The following LARGE1 variants were observed in gnomAD, a reference collection of about 807,000 sequenced individuals.
LARGE1 encodes LARGE xylosyl- and glucuronyltransferase 1.
Under a neutral mutation model 87.6 loss-of-function variants are expected in LARGE1, and 43 were observed. The ratio of observed to expected loss-of-function variants is 0.49; its 90% CI spans 0.38 to 0.63. The LOEUF is 0.63. LARGE1 is among the 30% of genes least tolerant of loss of function. The pLI, the probability that LARGE1 is intolerant of heterozygous loss-of-function variation, is 0.00. For synonymous variants in LARGE1, 434 were observed against 394.6 expected (o/e 1.10, Z -1.18); for missense variants, 802 against 1,000.2 (o/e 0.80, Z 2.67).
chr22:33,158,826 G>C (rs547116946), downstream of LARGE1, among the ~76,000 whole-genome samples: 1 of 152,274 alleles, frequency 6.6e-6, no homozygotes, highest in South Asian at 2.1e-4. Context: ...AGATATGGCA[G>C]ATAGAATAGG....
chr22:33,536,408 G>A (rs569432400), intron 6 of LARGE1, among the ~76,000 whole-genome samples: 13 of 152,290 alleles, frequency 8.5e-5, no homozygotes, highest in Non-Finnish European at 1.0e-4. Context: ...AACAGAGCAC[G>A]CATTTAATCA....
intron 2 of LARGE1, among the ~76,000 whole-genome samples, chr22:33,704,059 A>G (rs1409140234): frequency 3.9e-5 from 6 of 152,216 alleles, no homozygotes; most frequent in Non-Finnish European, 7.3e-5. Flanking sequence ...GAGGGATACT[A>G]AAGCGCTGAA....
intron 11 of LARGE1, among the ~76,000 whole-genome samples, chr22:33,187,920 T>G (rs1431161484): frequency 3.7e-5 from 1 of 27,380 alleles, no homozygotes; most frequent in South Asian, 2.0e-3. Context: ...AGACTCCGTC[T>G]CAAAAAAAAA....
chr22:33,918,213 G>C (rs2147001964), intron 1 of LARGE1, among the ~76,000 whole-genome samples: 1 of 152,288 alleles, frequency 6.6e-6, no homozygotes, highest in African/African-American at 2.4e-5. Flanking sequence ...AAAGGAATCT[G>C]CATTGGCTCA....
At chr22:33,286,668 G>A (rs1258878286) in intron 12 of LARGE1, among the ~76,000 whole-genome samples, 1 of 151,624 alleles carries the variant, frequency 6.6e-6, no homozygotes, top group Non-Finnish European at 1.5e-5. Flanking sequence ...CAATGCTATA[G>A]AAACAGAATA....
chr22:33,823,153 A>G (rs1030620254), intron 1 of LARGE1, among the ~76,000 whole-genome samples: 1 of 152,268 alleles, frequency 6.6e-6, no homozygotes, highest in Non-Finnish European at 1.5e-5. Flanking sequence ...GTATTAAAAA[A>G]GAATAACAAG....
At chr22:33,718,159 G>T (rs2082968165) in intron 2 of LARGE1, among the ~76,000 whole-genome samples, 1 of 152,152 alleles carries the variant, frequency 6.6e-6, no homozygotes, top group Admixed American at 6.5e-5. Context: ...GTCACCTGAG[G>T]TTCCCTTATT....
intron 1 of LARGE1, among the ~76,000 whole-genome samples, chr22:33,799,066 T>G (rs1490473916): frequency 6.6e-6 from 1 of 152,112 alleles, no homozygotes; most frequent in Non-Finnish European, 1.5e-5. Context: ...TCTAGTATTA[T>G]TCCTCCAGAT....
chr22:33,183,618 A>ACACACACACG (rs1378722450), intron 11 of LARGE1, among the ~76,000 whole-genome samples: 1 of 107,614 alleles, frequency 9.3e-6, no homozygotes, highest in African/African-American at 3.1e-5. Flanking sequence ...ACACACACAC[A>ACACACACACG]CGCACACACA....
chr22:33,651,500 C>T (rs528926002), intron 2 of LARGE1, among the ~76,000 whole-genome samples: 1 of 152,178 alleles, frequency 6.6e-6, no homozygotes, highest in African/African-American at 2.4e-5. Context: ...AAAAGCATCA[C>T]CTCTCAGGGG....
At chr22:33,391,097 T>C (rs1444771567) in intron 7 of LARGE1, among the ~76,000 whole-genome samples, 1 of 152,152 alleles carries the variant, frequency 6.6e-6, no homozygotes, top group Non-Finnish European at 1.5e-5. Flanking sequence ...TCCCCAAGTG[T>C]TGCAATTACA....
intron 6 of LARGE1, among the ~76,000 whole-genome samples, chr22:33,434,585 C>T (rs186803491): frequency 1.5e-3 from 232 of 152,314 alleles, no homozygotes; most frequent in Middle Eastern, 3.4e-3. Flanking sequence ...AAGCGTGAGC[C>T]ACTGCGCCCA....
intron 11 of LARGE1, among the ~76,000 whole-genome samples, chr22:33,262,416 G>T (rs1927683008): frequency 1.3e-5 from 2 of 152,102 alleles, no homozygotes; most frequent in South Asian, 4.1e-4. Context: ...GCTACGACTG[G>T]GCCTCCTGCA....
At chr22:33,817,815 T>A (rs1237062594) in intron 1 of LARGE1, among the ~76,000 whole-genome samples, 1 of 152,076 alleles carries the variant, frequency 6.6e-6, no homozygotes, top group Non-Finnish European at 1.5e-5. Context: ...GCCTTACAAC[T>A]TCCCCGCTAG....
intron 11 of LARGE1, among the ~76,000 whole-genome samples, chr22:33,169,598 T>G (rs1188098143): frequency 6.6e-6 from 1 of 152,066 alleles, no homozygotes; most frequent in Non-Finnish European, 1.5e-5. Flanking sequence ...ACAACTGTAA[T>G]CCCAGCACTT....
chr22:33,211,818 G>A (rs1924979212), intron 11 of LARGE1, among the ~76,000 whole-genome samples: 1 of 152,126 alleles, frequency 6.6e-6, no homozygotes, highest in South Asian at 2.1e-4. Context: ...CACATGATAA[G>A]AAAGCCAAAC....
intron 11 of LARGE1, among the ~76,000 whole-genome samples, chr22:33,237,131 A>G (rs1926292696): frequency 6.6e-6 from 1 of 152,254 alleles, no homozygotes; most frequent in Non-Finnish European, 1.5e-5. Context: ...CTTCACTGAC[A>G]GGGAGATCAC....
At chr22:33,122,258 C>T in the LARGE1 span, among the ~76,000 whole-genome samples, 2 of 152,028 alleles carry the variant, frequency 1.3e-5, no homozygotes, top group African/African-American at 2.4e-5. Flanking sequence ...TGCCTCACCC[C>T]CCTCCACACA....
intron 9 of LARGE1, among the ~76,000 whole-genome samples, chr22:33,347,065 T>C (rs551827934): frequency 1.3e-5 from 2 of 152,328 alleles, no homozygotes; most frequent in East Asian, 3.9e-4. Flanking sequence ...GTGTCTGTGT[T>C]TGCTTACTCT....
Sources: allele counts gnomAD v4.1 joint callset (sites outside exome capture counted in the v4.1 genomes callset), GRCh38; gene constraint gnomAD v4.1.1; transcripts MANE v1.5; gene names NCBI Gene and HGNC (gene_info 2026-07-23, HGNC 2026-07-21).